Variants in PTPRG observed in about 807,000 individuals in gnomAD.
PTPRG encodes receptor-type tyrosine-protein phosphatase gamma.
In PTPRG, 102 loss-of-function variants were observed where a neutral mutation model predicts 165.3. The observed-to-expected ratio is 0.62, with a 90% CI of 0.53 to 0.73. The LOEUF is 0.73. Among genes scored for constraint, PTPRG ranks in the 30% least tolerant of loss-of-function variants. The pLI, the probability that PTPRG is intolerant of heterozygous loss-of-function variation, is 0.00. For synonymous variants in PTPRG, 675 were observed against 669.5 expected, an observed-to-expected ratio of 1.01 and a Z score of -0.13; for missense variants, 1,866 against 1,861.4, an observed-to-expected ratio of 1.00 and a Z score of -0.05.
chr3:61,582,635 C>G (rs151296217), intron 1 of PTPRG, among the ~76,000 whole-genome samples: 1 of 152,318 alleles, frequency 6.6e-6, no homozygotes, highest in East Asian at 1.9e-4. Context: ...TGACCAGGCT[C>G]ACTCTTGGGT....
At chr3:61,563,100 C>A (rs559899209) in intron 1 of PTPRG, among the ~76,000 whole-genome samples, 130 of 151,544 alleles carry the variant, frequency 8.6e-4, no homozygotes, top group Middle Eastern at 3.4e-3. Context: ...CGCTGCTCTG[C>A]TCGATTGGAT....
intron 1 of PTPRG, among the ~76,000 whole-genome samples, chr3:61,615,352 AG>A (rs1404736192): frequency 1.3e-5 from 2 of 152,196 alleles, no homozygotes; most frequent in Non-Finnish European, 2.9e-5. Flanking sequence ...GTAACACACC[AG>A]TTGTTTAGCT....
At chr3:62,159,990 GA>G (rs1202513394) in intron 7 of PTPRG, among the ~76,000 whole-genome samples, 1 of 152,212 alleles carries the variant, frequency 6.6e-6, no homozygotes, top group Non-Finnish European at 1.5e-5. Flanking sequence ...AGTTAGCACA[GA>G]ATGTTCATTT....
intron 4 of PTPRG, among the ~76,000 whole-genome samples, chr3:62,050,161 G>T (rs1248445028): frequency 6.6e-6 from 1 of 152,236 alleles, no homozygotes; most frequent in African/African-American, 2.4e-5. Flanking sequence ...CTTGACTGGT[G>T]TGGAGAATAA....
intron 2 of PTPRG, among the ~76,000 whole-genome samples, chr3:61,817,314 A>AT (rs1367389803): frequency 6.7e-6 from 1 of 148,386 alleles, no homozygotes; most frequent in Non-Finnish European, 1.5e-5. Flanking sequence ...TGGTTCAACA[A>AT]TTTTATAGAA....
intron 5 of PTPRG, among the ~76,000 whole-genome samples, chr3:62,131,053 A>G (rs1444157525): frequency 6.6e-6 from 1 of 152,170 alleles, no homozygotes; most frequent in Admixed American, 6.5e-5. Flanking sequence ...TACGCTCTAG[A>G]CATTAAGATA....
intron 2 of PTPRG, among the ~76,000 whole-genome samples, chr3:61,956,773 C>T (rs932413240): frequency 2.6e-5 from 4 of 152,172 alleles, no homozygotes; most frequent in Admixed American, 6.5e-5. Flanking sequence ...TTTTGTATGA[C>T]ATTTCTGATT....
intron 1 of PTPRG, among the ~76,000 whole-genome samples, chr3:61,591,478 G>T (rs756134650): frequency 6.6e-6 from 1 of 152,220 alleles, no homozygotes; most frequent in African/African-American, 2.4e-5. Context: ...CCTGCAATGG[G>T]TTTTCTTCCC....
At chr3:61,584,381 G>T (rs1332116054) in intron 1 of PTPRG, among the ~76,000 whole-genome samples, 1 of 152,158 alleles carries the variant, frequency 6.6e-6, no homozygotes, top group African/African-American at 2.4e-5. Context: ...CCTTAGAGTG[G>T]AGGTCAGCAG....
intron 2 of PTPRG, among the ~76,000 whole-genome samples, chr3:61,871,108 C>CTGTTA (rs200340668): frequency 0.012 from 1,538 of 124,602 alleles, 47 homozygotes; most frequent in Non-Finnish European, 0.014. Context: ...CCTACATTCC[C>CTGTTA]TGTTATGTTA....
chr3:62,218,202 A>G (rs553226765), intron 12 of PTPRG, among the ~76,000 whole-genome samples: 1 of 152,282 alleles, frequency 6.6e-6, no homozygotes, highest in East Asian at 1.9e-4. Context: ...GCAAGATGTC[A>G]TTGTCCTGGC....
At chr3:62,058,952 G>A (rs999705012) in intron 4 of PTPRG, among the ~76,000 whole-genome samples, 2 of 152,038 alleles carry the variant, frequency 1.3e-5, no homozygotes, top group African/African-American at 4.8e-5. Context: ...AAGGAGATGG[G>A]GACTCTACCA....
At chr3:61,807,943 G>A (rs143672067) in intron 2 of PTPRG, among the ~76,000 whole-genome samples, 33 of 152,294 alleles carry the variant, frequency 2.2e-4, no homozygotes, top group African/African-American at 7.2e-4. Context: ...ACAAAGGCTC[G>A]CAGACCGGGG....
chr3:62,239,439 G>GCA (rs1301634160), intron 14 of PTPRG, among the ~76,000 whole-genome samples: 1 of 138,420 alleles, frequency 7.2e-6, no homozygotes, highest in Non-Finnish European at 1.5e-5. Flanking sequence ...TCGGCTCACT[G>GCA]CAACCTCTGC....
At chr3:61,586,396 A>T (rs181590398) in intron 1 of PTPRG, among the ~76,000 whole-genome samples, 1 of 152,244 alleles carries the variant, frequency 6.6e-6, no homozygotes, top group Non-Finnish European at 1.5e-5. Context: ...ACTCTCGTGT[A>T]TGAAGATGAT....
chr3:61,777,692 C>T (rs1359161008), intron 2 of PTPRG, among the ~76,000 whole-genome samples: 2 of 152,118 alleles, frequency 1.3e-5, no homozygotes, highest in Non-Finnish European at 2.9e-5. Flanking sequence ...TTAAAGAGGT[C>T]AAGGAGGGTA....
intron 8 of PTPRG, among the ~76,000 whole-genome samples, chr3:62,188,215 AAAATTTAAAATTAGCT>A (rs1345139648): frequency 6.6e-6 from 1 of 151,392 alleles, no homozygotes; most frequent in Non-Finnish European, 1.5e-5. Flanking sequence ...CTCTATTTTA[AAAATTTAAAATTAGCT>A]AAGTGTGGTG....
intron 5 of PTPRG, among the ~76,000 whole-genome samples, chr3:62,099,411 CA>C (rs1266528690): frequency 2.0e-5 from 3 of 151,968 alleles, no homozygotes; most frequent in African/African-American, 7.3e-5. Context: ...GTTGTGGCCG[CA>C]AAAGTGTTGA....
At position 61,561,664 on chromosome 3, in the gene PTPRG, G is replaced by A. The variant is rs1340319568; in HGVS notation, c.-624G>A. ...CCGGAGCCACAACTTTCAGGAGCAT[G>A]GACTGAAGGCGCCCTCGCCCCAGCG... On this transcript the variant is annotated 5_prime_UTR_variant, in exon 1 of 30. The change abolishes an upstream ATG in the 5' untranslated region. Transcript: ENST00000474889. 6.5e-6 allele frequency: 1 copy of A among 153,014 alleles called. No homozygotes were observed. Among genetic ancestry groups the A allele is most frequent in the African/African-American group, 2.4e-5 (1 of 41,466 alleles). The allele number at this position is 153,014 out of a possible 1,614,324, so 9.5% of individuals were successfully genotyped here. A position where few individuals can be genotyped will look rare whatever the true frequency, so the allele number is the denominator to read the frequency against.
Sources: gnomAD v4.1 joint callset for allele counts (sites outside exome capture counted in the v4.1 genomes callset) on GRCh38, gnomAD v4.1.1 for gene constraint, MANE v1.5 for transcripts, NCBI Gene and HGNC (gene_info 2026-07-23, HGNC 2026-07-21) for gene names.